HTR2C: variants seen among roughly 807,000 people sequenced by gnomAD.
HTR2C encodes 5-hydroxytryptamine receptor 2C.
HTR2C carries 5 observed loss-of-function variants against 21.0 expected under a neutral mutation model. The observed-to-expected ratio is 0.24, with a 90% CI of 0.12 to 0.50. HTR2C has a LOEUF of 0.50. Ranked by LOEUF, HTR2C falls within the 20% of genes least tolerant of loss-of-function variation. The pLI is 0.98. For synonymous variants in HTR2C, 150 were observed against 145.3 expected, an observed-to-expected ratio of 1.03 and a Z score of -0.23; for missense variants, 271 against 371.2, an observed-to-expected ratio of 0.73 and a Z score of 2.22.
At chrX:114,703,109 T>C (rs1556417187) in intron 2 of HTR2C, among the ~76,000 whole-genome samples, 1 of 106,355 alleles carries the variant, frequency 9.4e-6, no homozygotes, top group African/African-American at 3.4e-5. Flanking sequence ...ACAATAATAA[T>C]GGGAGACTTT....
At chrX:114,859,735 A>T (rs1358719969) in intron 5 of HTR2C, among the ~76,000 whole-genome samples, 2 of 109,807 alleles carry the variant, frequency 1.8e-5, no homozygotes, top group Non-Finnish European at 1.9e-5. Context: ...TTTGGGTTTC[A>T]TTTTCTCTTT....
intron 4 of HTR2C, among the ~76,000 whole-genome samples, chrX:114,845,991 C>A (rs1441014885): frequency 9.1e-6 from 1 of 110,210 alleles, no homozygotes; most frequent in Admixed American, 9.7e-5. Flanking sequence ...CTAGCCCAGA[C>A]AACAGAGCAA....
intron 2 of HTR2C, among the ~76,000 whole-genome samples, chrX:114,614,794 A>T (rs1441306307): frequency 8.9e-6 from 1 of 111,821 alleles, no homozygotes; most frequent in African/African-American, 3.3e-5. Context: ...CATTCTATAG[A>T]TGTCTAGAGC....
intron 2 of HTR2C, among the ~76,000 whole-genome samples, chrX:114,663,918 A>G (rs1388329884): frequency 9.0e-6 from 1 of 111,520 alleles, no homozygotes; most frequent in Non-Finnish European, 1.9e-5. Flanking sequence ...ATTTCCACTA[A>G]ATAGTTTAGT....
Position 114,725,029 on chromosome X carries a change from G to A in HTR2C, c.-79-1829G>A, listed in dbSNP as rs187547090. 2.5e-3 allele frequency among the ~76,000 whole-genome samples: 277 copies of A among 110,077 alleles called. 1 individual carries two copies. The highest frequency in any genetic ancestry group is 8.6e-3 in the African/African-American group (259 of 30,258). ...TCTTCTCGAGGAGTATCTTTGTGGC[G>A]TTCTCTGTATTTCCTGAATCTGAAT... On this transcript the variant is annotated intron_variant, in intron 2 of 5. Coordinates refer to ENST00000276198, the MANE Select transcript of HTR2C (RefSeq NM_000868.4).
At chrX:114,788,607 A>G (rs782589968) in intron 4 of HTR2C, among the ~76,000 whole-genome samples, 1 of 110,717 alleles carries the variant, frequency 9.0e-6, no homozygotes, top group South Asian at 3.9e-4. Context: ...AATGAATATA[A>G]TCTTCCCAAT....
intron 2 of HTR2C, among the ~76,000 whole-genome samples, chrX:114,701,216 C>T (rs1306235521): frequency 3.6e-5 from 4 of 111,928 alleles, no homozygotes; most frequent in African/African-American, 1.3e-4. Flanking sequence ...AGTGGTTCTC[C>T]CAGCACGCAG....
At chrX:114,843,312 A>T (rs1485665094) in intron 4 of HTR2C, among the ~76,000 whole-genome samples, 4 of 112,017 alleles carry the variant, frequency 3.6e-5, no homozygotes, top group African/African-American at 1.3e-4. Flanking sequence ...GAAATATGGC[A>T]GCTAAAAATT....
intron 2 of HTR2C, among the ~76,000 whole-genome samples, chrX:114,632,664 C>G (rs1929678439): frequency 9.1e-6 from 1 of 110,302 alleles, no homozygotes; most frequent in Non-Finnish European, 1.9e-5. Context: ...GCTATTGAAC[C>G]AAGAATAAAA....
chrX:114,761,766 TG>T (rs2069868956), intron 4 of HTR2C, among the ~76,000 whole-genome samples: 1 of 108,044 alleles, frequency 9.3e-6, no homozygotes, highest in African/African-American at 3.4e-5. Context: ...CATTGCTTCA[TG>T]TTATATGTCA....
intron 4 of HTR2C, among the ~76,000 whole-genome samples, chrX:114,800,050 T>A (rs2070331220): frequency 9.0e-6 from 1 of 110,697 alleles, no homozygotes; most frequent in Non-Finnish European, 1.9e-5. Flanking sequence ...TCTTAAAATG[T>A]AACTGGGTTT....
At chrX:114,822,001 C>A (rs2070638217) in intron 4 of HTR2C, among the ~76,000 whole-genome samples, 1 of 106,257 alleles carries the variant, frequency 9.4e-6, no homozygotes, top group African/African-American at 3.4e-5. Context: ...CACGCAACAT[C>A]ACCCCTAGAT....
chrX:114,813,062 C>T (rs189335802), intron 4 of HTR2C, among the ~76,000 whole-genome samples: 1 of 111,533 alleles, frequency 9.0e-6, no homozygotes, highest in East Asian at 2.8e-4. Flanking sequence ...ATTATTTGCA[C>T]TCATAAAAAT....
chrX:114,723,494 G>GT (rs1933310890), intron 2 of HTR2C, among the ~76,000 whole-genome samples: 2 of 110,558 alleles, frequency 1.8e-5, no homozygotes, highest in South Asian at 3.9e-4. Context: ...TTTTTGAAGG[G>GT]TTTTTTGTGT....
intron 5 of HTR2C, among the ~76,000 whole-genome samples, chrX:114,857,224 A>AT (rs1297897792): frequency 9.0e-6 from 1 of 111,108 alleles, no homozygotes; most frequent in Non-Finnish European, 1.9e-5. Context: ...CCAATTGCTT[A>AT]TATACTTTTC....
intron 2 of HTR2C, among the ~76,000 whole-genome samples, chrX:114,645,314 A>T (rs1930322060): frequency 9.0e-6 from 1 of 111,382 alleles, no homozygotes; most frequent in African/African-American, 3.3e-5. Context: ...AGGAAAAAAA[A>T]GTGCCTCAAG....
chrX:114,849,145 A>C (rs1480609939), intron 5 of HTR2C, among the ~76,000 whole-genome samples: 1 of 112,210 alleles, frequency 8.9e-6, no homozygotes, highest in African/African-American at 3.2e-5. Flanking sequence ...CCTTTGAATA[A>C]AAAGTCGTGA....
At chrX:114,846,170 T>C (rs1267181552) in intron 4 of HTR2C, among the ~76,000 whole-genome samples, 2 of 111,614 alleles carry the variant, frequency 1.8e-5, no homozygotes, top group African/African-American at 6.5e-5. Flanking sequence ...AGTAACTACA[T>C]TGAATCAGTG....
At chrX:114,635,608 A>G (rs782368788) in intron 2 of HTR2C, among the ~76,000 whole-genome samples, 2 of 111,952 alleles carry the variant, frequency 1.8e-5, no homozygotes, top group South Asian at 7.5e-4. Flanking sequence ...GAGGGATTGA[A>G]CTGGATTCAT....
Sources: gnomAD v4.1 joint callset for allele counts (sites outside exome capture counted in the v4.1 genomes callset) on GRCh38, gnomAD v4.1.1 for gene constraint, MANE v1.5 for transcripts, NCBI Gene and HGNC (gene_info 2026-07-23, HGNC 2026-07-21) for gene names.